ZFYVE28: variants seen among roughly 807,000 people sequenced by gnomAD.
ZFYVE28 encodes the protein lateral signaling target protein 2 homolog.
In ZFYVE28, 40 loss-of-function variants were observed where a neutral mutation model predicts 82.1. The observed-to-expected ratio is 0.49, with a 90% CI of 0.38 to 0.63. ZFYVE28 has a LOEUF of 0.63. Among genes scored for constraint, ZFYVE28 ranks in the 30% least tolerant of loss-of-function variants. ZFYVE28 has a pLI of 0.00. For synonymous variants in ZFYVE28, 612 were observed against 546.1 expected (o/e 1.12, Z -1.68); for missense variants, 1,321 against 1,242.1 (o/e 1.06, Z -0.96).
Position 2,408,922 on chromosome 4 carries a change from C to G in ZFYVE28, c.39+9363G>C, listed in dbSNP as rs1393002418. 6.6e-6 allele frequency among the ~76,000 whole-genome samples: 1 copy of G among 152,234 alleles called. No homozygotes were observed. The highest frequency in any genetic ancestry group is 1.5e-5 in the Non-Finnish European group (1 of 68,034). ...TAAGTGGACCTTCCCATGCACTCAG[C>G]TTTAGGTTTTAGTTTCCTCTTATTT... On this transcript the variant is annotated intron_variant, in intron 1 of 12. Coordinates refer to ENST00000290974, the MANE Select transcript of ZFYVE28 (RefSeq NM_020972.3). This position sits in a 1 kb window ranked among gnomAD's most constrained non-coding sequence, Gnocchi z 4.3.
At chr4:2,271,128 C>G in intron 12 of ZFYVE28, 183 bp downstream of exon 12, 1 of 746,712 alleles carries the variant, frequency 1.3e-6, no homozygotes, top group Non-Finnish European at 2.1e-6. Flanking sequence ...TGGGCACCAT[C>G]CAGGTTCCCG....
chr4:2,334,216 A>G (rs994801980), intron 6 of ZFYVE28, among the ~76,000 whole-genome samples: 1 of 152,054 alleles, frequency 6.6e-6, no homozygotes, highest in African/African-American at 2.4e-5. Flanking sequence ...GAGCTATTGG[A>G]GGGGACTCTG....
At chr4:2,283,668 C>T (rs944217153) in intron 8 of ZFYVE28, among the ~76,000 whole-genome samples, 1 of 152,190 alleles carries the variant, frequency 6.6e-6, no homozygotes, top group African/African-American at 2.4e-5. Context: ...CAGTTCAGCC[C>T]TAAGGAGCTC....
At chr4:2,297,762 A>G (rs1189015099) in intron 8 of ZFYVE28, among the ~76,000 whole-genome samples, 25 of 137,662 alleles carry the variant, frequency 1.8e-4, no homozygotes, top group African/African-American at 3.0e-4. Context: ...GGGATGACAC[A>G]GTGACACAGT....
chr4:2,292,137 G>C (rs1473280460), intron 8 of ZFYVE28, among the ~76,000 whole-genome samples: 2 of 152,230 alleles, frequency 1.3e-5, no homozygotes, highest in Admixed American at 1.3e-4. Context: ...GAGCCTGAGA[G>C]GCACAGGCTG....
intron 1 of ZFYVE28, among the ~76,000 whole-genome samples, chr4:2,370,965 C>T (rs1217543551): frequency 1.3e-5 from 2 of 152,220 alleles, no homozygotes; most frequent in African/African-American, 4.8e-5. Context: ...CCACTGTCCA[C>T]CACGAAGACC....
chr4:2,270,867 G>A lies in ZFYVE28; in HGVS notation c.2533-11C>T. ...GCGCGAGCAGAAGATCTGGAATGGG[G>A]TTGGGGCAGTGAGGGTCTGCGGCAG... is the stretch of plus-strand genomic sequence containing the variant. On this transcript the variant is annotated splice_polypyrimidine_tract_variant and intron_variant, in intron 12 of 12. Transcript: ENST00000290974. 6.2e-7 allele frequency: 1 copy of A among 1,612,296 alleles called. No individual in the cohort carries two copies. The highest frequency in any genetic ancestry group is 1.1e-5 in the South Asian group (1 of 91,026).
At chr4:2,410,971 T>C (rs973408623) in intron 1 of ZFYVE28, among the ~76,000 whole-genome samples, 3 of 152,236 alleles carry the variant, frequency 2.0e-5, no homozygotes, top group Non-Finnish European at 2.9e-5. Context: ...AGGTGTTTTT[T>C]GTAATCATGA....
chr4:2,336,570 C>A lies in ZFYVE28; in HGVS notation c.612-776G>T, dbSNP rs564350232. Among the ~76,000 whole-genome samples the A allele has an allele frequency of 1.7e-4, 26 of 149,686 alleles. No homozygotes were observed. In the South Asian group the frequency reaches 2.1e-3, roughly 12 times the overall value. On this transcript the variant is annotated intron_variant, in intron 5 of 12. Transcript: ENST00000290974. ...ATTGATGGCTTCCCCCTGCCCCCCC[C>A]ACTCCCTAAAAAAGAAACACTTGTT... is the stretch of plus-strand genomic sequence containing the variant.
chr4:2,400,518 A>G (rs1461900139), intron 1 of ZFYVE28, among the ~76,000 whole-genome samples: 1 of 152,110 alleles, frequency 6.6e-6, no homozygotes, highest in Non-Finnish European at 1.5e-5. Flanking sequence ...TTGCCTGGGT[A>G]TATTAGTCAG....
At chr4:2,283,710 A>G (rs1712313010) in intron 8 of ZFYVE28, among the ~76,000 whole-genome samples, 1 of 152,244 alleles carries the variant, frequency 6.6e-6, no homozygotes, top group Admixed American at 6.5e-5. Context: ...ATAGGTGAAC[A>G]GTTAATTATC....
intron 1 of ZFYVE28, among the ~76,000 whole-genome samples, chr4:2,389,032 G>A (rs190422562): frequency 6.6e-6 from 1 of 152,184 alleles, no homozygotes; most frequent in Non-Finnish European, 1.5e-5. Context: ...TCTCCACTGT[G>A]GGGGAAGAAC....
At chr4:2,377,318 G>A (rs1314301138) in intron 1 of ZFYVE28, among the ~76,000 whole-genome samples, 2 of 152,282 alleles carry the variant, frequency 1.3e-5, no homozygotes, top group East Asian at 1.9e-4. Flanking sequence ...CACTGCGCCC[G>A]GCCTAGGGCT....
At position 2,304,306 on chromosome 4, in the gene ZFYVE28, C is replaced by T; in HGVS notation, c.2034G>A (p.Gln678=). The stretch of plus-strand genomic sequence containing the variant: ...GCTCTTACCTGGAGCCCGACAGGGC[C>T]TGAGGCGCCTCGTGAGCCGAGGGGC... ...AGSPSAHEAP[Q]ALSGSSSSTA... The change falls in exon 8 of 13, where the codon CAG becomes CAA. Residue 678 remains glutamine (Q), a synonymous_variant. Coordinates refer to ENST00000290974, the MANE Select transcript of ZFYVE28 (RefSeq NM_020972.3). 6.3e-7 allele frequency: 1 copy of T among 1,591,378 alleles called. No individual in the cohort carries two copies. The highest frequency in any genetic ancestry group is 8.5e-7 in the Non-Finnish European group (1 of 1,174,322).
chr4:2,402,489 A>G (rs1463169718), intron 1 of ZFYVE28, among the ~76,000 whole-genome samples: 1 of 152,164 alleles, frequency 6.6e-6, no homozygotes, highest in Non-Finnish European at 1.5e-5. Context: ...AGCGGCAAAA[A>G]CTAGCAGAAC....
At position 2,418,203 on chromosome 4, in the gene ZFYVE28, C is replaced by T; in HGVS notation, c.39+82G>A. 7.4e-7 allele frequency: 1 copy of T among 1,356,960 alleles called. No individual in the cohort carries two copies. The highest frequency in any genetic ancestry group is 1.5e-5 in the African/African-American group (1 of 66,128). 84.1% of individuals were successfully genotyped at this position (1,356,960 alleles called of 1,614,324 possible). A position where few individuals can be genotyped will look rare whatever the true frequency, so the allele number is the denominator to read the frequency against. The stretch of plus-strand genomic sequence containing the variant: ...CGGCCACGGACAGGGAAAGGGAGTC[C>T]GTCTTGTAGGGCGGACGGGCGGTCC... On this transcript the variant is annotated intron_variant, in intron 1 of 12. Coordinates refer to ENST00000290974, the MANE Select transcript of ZFYVE28 (RefSeq NM_020972.3). The surrounding 1 kb of genome is among the most constrained non-coding windows in gnomAD (Gnocchi z 4.6).
chr4:2,396,065 G>A (rs1560333132), intron 1 of ZFYVE28, among the ~76,000 whole-genome samples: 2 of 148,288 alleles, frequency 1.3e-5, no homozygotes, highest in African/African-American at 5.0e-5. Context: ...TCCTGCAGAG[G>A]GGACCCAAGG....
intron 1 of ZFYVE28, among the ~76,000 whole-genome samples, chr4:2,378,724 C>G (rs1728420054): frequency 6.6e-6 from 1 of 152,180 alleles, no homozygotes; most frequent in South Asian, 2.1e-4. Context: ...ATTGATCCAC[C>G]CCTGCTCCAT....
At chr4:2,309,711 C>A (rs914263209) in intron 7 of ZFYVE28, among the ~76,000 whole-genome samples, 11 of 152,168 alleles carry the variant, frequency 7.2e-5, no homozygotes, top group African/African-American at 2.7e-4. Context: ...ATCTTCTTCC[C>A]AATCTCAGGG....
Sources: allele counts gnomAD v4.1 joint callset (sites outside exome capture counted in the v4.1 genomes callset), GRCh38; gene constraint gnomAD v4.1.1; non-coding constraint Gnocchi (gnomAD v3.1); transcripts MANE v1.5; gene names NCBI Gene and HGNC (gene_info 2026-07-23, HGNC 2026-07-21).